Variants in P2RY2 observed in about 807,000 individuals in gnomAD.
P2RY2 encodes purinergic receptor P2Y2.
For synonymous variants in P2RY2, 241 were observed against 231.9 expected, an observed-to-expected ratio of 1.04 and a Z score of -0.35; for missense variants, 567 against 515.7, an observed-to-expected ratio of 1.10 and a Z score of -0.96.
chr11:73,234,653 A>C lies in P2RY2; in HGVS notation c.494A>C (p.Gln165Pro), dbSNP rs776892148. The C allele has an allele frequency of 6.3e-7, 1 of 1,580,804 alleles. No homozygotes were observed. Among genetic ancestry groups the C allele is most frequent in the South Asian group, 1.2e-5 (1 of 86,406 alleles). Residue 165 changes from glutamine to proline, a missense_variant, in exon 3 of 3, where the codon CAG (glutamine) becomes CCG (proline). Coordinates refer to ENST00000393597, the MANE Select transcript of P2RY2 (RefSeq NM_002564.4). ...GAVWVLVLAC[Q>P]APVLYFVTTS... ...GTGTGGGTGTTGGTGCTGGCCTGCC[A>C]GGCCCCCGTGCTCTACTTTGTCACC...
chr11:73,230,839 T>A (rs1191621130), intron 2 of P2RY2, among the ~76,000 whole-genome samples: 1 of 143,996 alleles, frequency 6.9e-6, no homozygotes, highest in Admixed American at 7.8e-5. Context: ...GGCTTTCTCC[T>A]GAAACAGGGT....
intron 2 of P2RY2, among the ~76,000 whole-genome samples, chr11:73,232,531 A>T (rs1862489297): frequency 6.6e-6 from 1 of 151,704 alleles, no homozygotes; most frequent in Admixed American, 6.6e-5. Flanking sequence ...CCCACCTCAG[A>T]CTTCCGAGTA....
At position 73,241,081 on chromosome 11, in the gene P2RY2, C is replaced by A. The variant is rs1862764252; in HGVS notation, c.*5788C>A. On this transcript the variant is annotated 3_prime_UTR_variant, in exon 3 of 3. Transcript: ENST00000393597. ...CCCCAGAGAGCTCCTCACCCTCTTT[C>A]CACCATGTGAGGATATAATGAGAAG... 1 of 152,238 alleles carries A rather than the reference C, an allele frequency of 6.6e-6. No individual in the cohort carries two copies. Among genetic ancestry groups the A allele is most frequent in the South Asian group, 2.1e-4 (1 of 4,832 alleles). 9.4% of individuals were successfully genotyped at this position (152,238 alleles called of 1,614,324 possible). A position where few individuals can be genotyped will look rare whatever the true frequency, so the allele number is the denominator to read the frequency against.
At chr11:73,224,894 A>T (rs1050968918) in intron 1 of P2RY2, among the ~76,000 whole-genome samples, 3 of 152,196 alleles carry the variant, frequency 2.0e-5, no homozygotes, top group Admixed American at 2.0e-4. Context: ...AACTAGCTCA[A>T]CAACCTTCTG....
intron 2 of P2RY2, among the ~76,000 whole-genome samples, chr11:73,233,499 G>T (rs1337066870): frequency 6.6e-6 from 1 of 152,188 alleles, no homozygotes; most frequent in Non-Finnish European, 1.5e-5. Context: ...AGCCTCAAAG[G>T]CCCCTTCCCA....
Position 73,234,548 on chromosome 11 carries a change from A to C in P2RY2, c.389A>C (p.His130Pro), listed in dbSNP as rs758742171. 17 of 1,600,086 alleles carry C rather than the reference A, an allele frequency of 1.1e-5. No individual in the cohort carries two copies. The highest frequency in any genetic ancestry group is 1.5e-5 in the Non-Finnish European group (17 of 1,172,226). Residue 130 changes from histidine to proline, a missense_variant, in exon 3 of 3, where the codon CAC becomes CCC. By Grantham distance (77) the His-to-Pro change is moderately conservative. Transcript: ENST00000393597. ...SILFLTCISV[H>P]RCLGVLRPLR... is the part of the protein sequence containing the mutation. ...CTCTTCCTCACCTGCATCAGCGTGCACCGGTGTCTGGGCGTCTTACGACCT... is the reference window on the plus strand; with the variant it reads ...CTCTTCCTCACCTGCATCAGCGTGCCCCGGTGTCTGGGCGTCTTACGACCT...
intron 1 of P2RY2, among the ~76,000 whole-genome samples, chr11:73,226,527 T>A (rs1862283281): frequency 6.6e-6 from 1 of 151,994 alleles, no homozygotes; most frequent in African/African-American, 2.4e-5. Context: ...CCCAAGCTAT[T>A]CCTGCAGTGC....
intron 2 of P2RY2, among the ~76,000 whole-genome samples, chr11:73,229,333 C>T (rs1025095375): frequency 1.5e-4 from 23 of 152,170 alleles, no homozygotes; most frequent in African/African-American, 5.1e-4. Flanking sequence ...GCTCACATCT[C>T]CCCTCCAGAC....
At position 73,236,505 on chromosome 11, in the gene P2RY2, A is replaced by G. The variant is rs1324015098; in HGVS notation, c.*1212A>G. On this transcript the variant is annotated 3_prime_UTR_variant, in exon 3 of 3. Coordinates refer to ENST00000393597, the MANE Select transcript of P2RY2 (RefSeq NM_002564.4). Reference sequence around the variant, plus strand: ...CTGAGCTGTAGCTTCTGAGAAAAGCAGCTCACCGGAAGAACATCCACACAC... The same window carrying G: ...CTGAGCTGTAGCTTCTGAGAAAAGCGGCTCACCGGAAGAACATCCACACAC... 3.1e-6 allele frequency: 3 copies of G among 960,840 alleles called. No homozygotes were observed. Among genetic ancestry groups the G allele is most frequent in the Non-Finnish European group, 3.7e-6 (3 of 807,752 alleles). 59.5% of individuals were successfully genotyped at this position (960,840 alleles called of 1,614,324 possible).
At chr11:73,232,891 C>T (rs973997277) in intron 2 of P2RY2, among the ~76,000 whole-genome samples, 1 of 152,088 alleles carries the variant, frequency 6.6e-6, no homozygotes, top group Non-Finnish European at 1.5e-5. Flanking sequence ...TCTTCCAGGC[C>T]GGGATGTCTG....
In P2RY2 at chr11:73,231,034, G is replaced by C. The variant is rs559955640; in HGVS notation, c.-5+2859G>C. ...ACTGTCCTGACCCTGGGTAAGACGG[G>C]TCTCAGCCACTTGACCTGCCAGAGC... On this transcript the variant is annotated intron_variant, in intron 2 of 2. Coordinates refer to ENST00000393597, the MANE Select transcript of P2RY2 (RefSeq NM_002564.4). Among the ~76,000 whole-genome samples the C allele has an allele frequency of 7.2e-5, 11 of 152,230 alleles. 2 individuals carry two copies. The highest frequency in any genetic ancestry group is 2.6e-4 in the African/African-American group (11 of 41,534).
At chr11:73,220,823 C>T (rs905669346) in intron 1 of P2RY2, among the ~76,000 whole-genome samples, 9 of 152,160 alleles carry the variant, frequency 5.9e-5, no homozygotes, top group Non-Finnish European at 8.8e-5. Context: ...CTCCCTCCTG[C>T]CCTGGATGCA....
intron 2 of P2RY2, among the ~76,000 whole-genome samples, chr11:73,233,534 C>T (rs1483307934): frequency 1.3e-5 from 2 of 152,240 alleles, no homozygotes; most frequent in Non-Finnish European, 2.9e-5. Context: ...CCTGCTCTGG[C>T]ACCCCCAGGT....
rs1316568270 is a variant in P2RY2 at position 73,228,181 on chromosome 11, T to TCGGGGGGGGG, written c.-5+6_-5+7insCGGGGGGGGG. On this transcript the variant is annotated splice_region_variant and intron_variant, in intron 2 of 2. Transcript: ENST00000393597. ...GGAGAGCAGGGGCTGGTCAGGTACG[T>TCGGGGGGGGG]GGGGTGGGGGTGGGGGGGAGCGGGT... The TCGGGGGGGGG allele has an allele frequency of 9.9e-6, 1 of 101,118 alleles. No individual in the cohort carries two copies. The highest frequency in any genetic ancestry group is 7.6e-5 in the African/African-American group (1 of 13,132). 6.3% of individuals were successfully genotyped at this position (101,118 alleles called of 1,614,324 possible).
chr11:73,224,022 A>G (rs987683318), intron 1 of P2RY2, among the ~76,000 whole-genome samples: 4 of 152,080 alleles, frequency 2.6e-5, no homozygotes, highest in African/African-American at 9.7e-5. Flanking sequence ...GGGGGTCCCA[A>G]AGAGGGAGAG....
intron 2 of P2RY2, among the ~76,000 whole-genome samples, chr11:73,231,169 G>A (rs1223973785): frequency 6.6e-6 from 1 of 152,104 alleles, no homozygotes. Flanking sequence ...CATGGCAGGG[G>A]GAACAAGGGT....
At chr11:73,224,857 A>G (rs529909976) in intron 1 of P2RY2, among the ~76,000 whole-genome samples, 45 of 152,114 alleles carry the variant, frequency 3.0e-4, no homozygotes, top group African/African-American at 1.0e-3. Context: ...CTCTCTTACT[A>G]TTTCATAAAA....
chr11:73,233,586 A>T (rs1352828665), intron 2 of P2RY2, among the ~76,000 whole-genome samples: 1 of 152,244 alleles, frequency 6.6e-6, no homozygotes, highest in East Asian at 1.9e-4. Context: ...TAAAACTCTG[A>T]TCCTGAGGTT....
Position 73,235,420 on chromosome 11 carries a change from T to A in P2RY2, c.*127T>A. 6.9e-7 allele frequency: 1 copy of A among 1,454,400 alleles called. No individual in the cohort carries two copies. Among genetic ancestry groups the A allele is most frequent in the African/African-American group, 1.4e-5 (1 of 70,508 alleles). 90.1% of individuals were successfully genotyped at this position (1,454,400 alleles called of 1,614,324 possible). Reference sequence around the variant, plus strand: ...TCATGCTGGATGACCCCATGCTCCGTCATTTGACAGGGGCTCAGGATATTC... The same window carrying A: ...TCATGCTGGATGACCCCATGCTCCGACATTTGACAGGGGCTCAGGATATTC... On this transcript the variant is annotated 3_prime_UTR_variant, in exon 3 of 3. Transcript: ENST00000393597.
Sources: allele counts gnomAD v4.1 joint callset (sites outside exome capture counted in the v4.1 genomes callset), GRCh38; gene constraint gnomAD v4.1.1; transcripts MANE v1.5; gene names NCBI Gene and HGNC (gene_info 2026-07-23, HGNC 2026-07-21).